The following LRP1B variants were observed in gnomAD, a reference collection of about 807,000 sequenced individuals.
LRP1B encodes the protein LDL receptor related protein 1B.
Under a neutral mutation model 556.6 loss-of-function variants are expected in LRP1B, and 217 were observed. The observed-to-expected ratio is 0.39, with a 90% CI of 0.35 to 0.44. The LOEUF (loss-of-function observed/expected upper bound fraction) is 0.44, where lower values mean the gene tolerates loss of function less well. Ranked by LOEUF, LRP1B falls within the 20% of genes least tolerant of loss-of-function variation. The pLI is 1.00. For synonymous variants in LRP1B, 2,047 were observed against 1,865.8 expected (o/e 1.10, Z -2.50); for missense variants, 5,053 against 5,620.8 (o/e 0.90, Z 3.23).
intron 11 of LRP1B, among the ~76,000 whole-genome samples, chr2:141,024,921 G>T (rs1321669562): frequency 6.6e-6 from 1 of 151,956 alleles, no homozygotes; most frequent in Non-Finnish European, 1.5e-5. Context: ...CAGTAAGAAG[G>T]CCTGCTGTTT....
Position 141,570,083 on chromosome 2 carries a change from G to A in LRP1B, c.206-89550C>T, listed in dbSNP as rs1394279661. Among the ~76,000 whole-genome samples, 3 of 150,956 alleles carry A rather than the reference G, an allele frequency of 2.0e-5. 1 individual carries two copies. The highest frequency in any genetic ancestry group is 1.3e-4 in the Admixed American group (2 of 15,114). ...CCCTGTCTCTAGAAAATATTTAAGG[G>A]GGTGGGGCCGAGATGACTGACTAGA... On this transcript the variant is annotated intron_variant, in intron 2 of 90. Transcript: ENST00000389484.
chr2:141,310,140 G>C (rs1255128074), intron 3 of LRP1B, among the ~76,000 whole-genome samples: 1 of 152,110 alleles, frequency 6.6e-6, no homozygotes, highest in African/African-American at 2.4e-5. Flanking sequence ...AAGTACTATA[G>C]TCAGTTTACT....
chr2:141,095,230 A>G (rs887923133), intron 7 of LRP1B, among the ~76,000 whole-genome samples: 1 of 151,300 alleles, frequency 6.6e-6, no homozygotes, highest in Non-Finnish European at 1.5e-5. Context: ...GTTATCTGTT[A>G]TAGCAGCACA....
chr2:140,273,209 C>G (rs374275800), intron 85 of LRP1B, among the ~76,000 whole-genome samples: 2 of 151,824 alleles, frequency 1.3e-5, no homozygotes, highest in African/African-American at 4.8e-5. Context: ...AAGAAGATTC[C>G]ACAGCTTATC....
chr2:140,847,907 TAG>T (rs1249429480), intron 29 of LRP1B, among the ~76,000 whole-genome samples: 1 of 152,172 alleles, frequency 6.6e-6, no homozygotes, highest in Non-Finnish European at 1.5e-5. Context: ...TAATTGTGAA[TAG>T]AGTCTGCTAA....
intron 2 of LRP1B, among the ~76,000 whole-genome samples, chr2:141,795,386 G>A (rs1203070148): frequency 2.6e-5 from 4 of 152,136 alleles, no homozygotes; most frequent in African/African-American, 9.6e-5. Context: ...ATGCATGTGT[G>A]TGTTTGCACA....
At chr2:141,384,639 A>G (rs951150809) in intron 3 of LRP1B, among the ~76,000 whole-genome samples, 1 of 152,144 alleles carries the variant, frequency 6.6e-6, no homozygotes, top group African/African-American at 2.4e-5. Flanking sequence ...CTAGAGCATA[A>G]TAGCTCAGCA....
chr2:141,261,034 T>C (rs1186897686), intron 3 of LRP1B, among the ~76,000 whole-genome samples: 1 of 152,142 alleles, frequency 6.6e-6, no homozygotes, highest in African/African-American at 2.4e-5. Flanking sequence ...TGCTTGAAGA[T>C]TGAAAAGCTG....
chr2:140,612,482 T>G (rs1263183049), intron 41 of LRP1B, among the ~76,000 whole-genome samples: 1 of 152,158 alleles, frequency 6.6e-6, no homozygotes, highest in African/African-American at 2.4e-5. Context: ...TCAGAACTTG[T>G]ACTTATTTAT....
chr2:141,382,428 G>T (rs1234498669), intron 3 of LRP1B, among the ~76,000 whole-genome samples: 1 of 152,208 alleles, frequency 6.6e-6, no homozygotes, highest in Non-Finnish European at 1.5e-5. Flanking sequence ...CTTACTAGAA[G>T]ATATGTGCTT....
intron 7 of LRP1B, among the ~76,000 whole-genome samples, chr2:141,072,843 C>T (rs1413995368): frequency 6.6e-6 from 1 of 152,066 alleles, no homozygotes; most frequent in South Asian, 2.1e-4. Context: ...GCTAAAATAT[C>T]TATTTCTAGA....
chr2:140,701,687 T>C, intron 40 of LRP1B, 34 bp downstream of exon 40: 3 of 1,571,966 alleles, frequency 1.9e-6, no homozygotes, highest in Non-Finnish European at 2.6e-6. Flanking sequence ...TCACATAAAA[T>C]ATACATATTA....
At position 140,297,875 on chromosome 2, in the gene LRP1B, A is replaced by T. The variant is rs778061176; in HGVS notation, c.12900T>A (p.Ile4300=). ...AGTAAGGCTGGTTTCCAGCAGTCAC[A>T]ATGCAGGTTCCTCCATTTTGACAAA... is the stretch of plus-strand genomic sequence containing the variant. ...EDFCQNGGTC[I]VTAGNQPYCH... is the part of the protein sequence containing the mutation. Residue 4300 remains isoleucine (I), a synonymous_variant, in exon 84 of 91, where the codon ATT becomes ATA. Coordinates refer to ENST00000389484, the MANE Select transcript of LRP1B (RefSeq NM_018557.3). 36 of 1,613,960 alleles carry T rather than the reference A, an allele frequency of 2.2e-5. No individual in the cohort carries two copies. The highest frequency in any genetic ancestry group is 1.7e-6 in the Non-Finnish European group (2 of 1,179,964).
rs148579341 is a variant in LRP1B at position 140,559,230 on chromosome 2, T to G, written c.7195-17259A>C. The stretch of plus-strand genomic sequence containing the variant: ...TGTTTTTTTTTAACAACCGAAAATT[T>G]CCAAGCCTCCTAAATAACCAAGATA... On this transcript the variant is annotated intron_variant, in intron 43 of 90. Transcript: ENST00000389484. 3.5e-3 allele frequency among the ~76,000 whole-genome samples: 539 copies of G among 152,064 alleles called. 4 individuals carry two copies. Among genetic ancestry groups the G allele is most frequent in the African/African-American group, 0.013 (525 of 41,514 alleles).
chr2:141,344,485 AC>A (rs1688176160), intron 3 of LRP1B, among the ~76,000 whole-genome samples: 1 of 152,010 alleles, frequency 6.6e-6, no homozygotes, highest in South Asian at 2.1e-4. Context: ...CTAGATAATC[AC>A]CTGGTTGGCT....
At chr2:141,884,918 T>C (rs546593833) in intron 1 of LRP1B, among the ~76,000 whole-genome samples, 2 of 152,338 alleles carry the variant, frequency 1.3e-5, no homozygotes, top group East Asian at 3.9e-4. Context: ...AATTTACCTG[T>C]AAATGTATTT....
chr2:141,148,608 G>T (rs1701842844), intron 7 of LRP1B, among the ~76,000 whole-genome samples: 1 of 152,110 alleles, frequency 6.6e-6, no homozygotes, highest in South Asian at 2.1e-4. Context: ...GTCATCTTTG[G>T]AAAGTCTGGT....
intron 2 of LRP1B, among the ~76,000 whole-genome samples, chr2:141,483,198 T>G (rs898963889): frequency 3.3e-4 from 49 of 147,058 alleles, no homozygotes; most frequent in Non-Finnish European, 6.9e-4. Context: ...CACCTATGAG[T>G]GAGAACATGC....
chr2:141,791,206 AAGAG>A (rs1194818787), intron 2 of LRP1B, among the ~76,000 whole-genome samples: 4 of 152,170 alleles, frequency 2.6e-5, no homozygotes, highest in Non-Finnish European at 5.9e-5. Flanking sequence ...AAATAGTAAA[AAGAG>A]AGAATTGCAT....
Sources: allele counts gnomAD v4.1 joint callset (sites outside exome capture counted in the v4.1 genomes callset), GRCh38; gene constraint gnomAD v4.1.1; transcripts MANE v1.5; gene names NCBI Gene and HGNC (gene_info 2026-07-23, HGNC 2026-07-21).